The following SLC17A6 variants were observed in gnomAD, a reference collection of about 807,000 sequenced individuals.
SLC17A6 encodes the protein solute carrier family 17 member 6.
SLC17A6 carries 35 observed loss-of-function variants against 67.1 expected under a neutral mutation model. The ratio of observed to expected loss-of-function variants is 0.52; its 90% CI spans 0.40 to 0.69. SLC17A6 has a LOEUF of 0.69. SLC17A6 is among the 30% of genes least tolerant of loss of function. The probability of loss-of-function intolerance (pLI) is 0.00; values close to 1 mark genes in which losing one functional copy is unlikely to be tolerated. For missense variants in SLC17A6, 588 were observed against 723.9 expected, an observed-to-expected ratio of 0.81 and a Z score of 2.15; for synonymous variants, 285 against 252.3, an observed-to-expected ratio of 1.13 and a Z score of -1.23.
At chr11:22,351,767 A>G (rs1855942115) in intron 3 of SLC17A6, among the ~76,000 whole-genome samples, 1 of 152,148 alleles carries the variant, frequency 6.6e-6, no homozygotes, top group Non-Finnish European at 1.5e-5. Context: ...TCATTGTTAG[A>G]CAAGTTTTTG....
chr11:22,347,411 G>A (rs569739095), intron 3 of SLC17A6, among the ~76,000 whole-genome samples: 11 of 152,080 alleles, frequency 7.2e-5, no homozygotes, highest in Admixed American at 2.0e-4. Flanking sequence ...CATGTGGGTC[G>A]TAACAGCTAA....
At chr11:22,343,536 T>A (rs1855843340) in intron 3 of SLC17A6, among the ~76,000 whole-genome samples, 171 bp downstream of exon 3, 1 of 152,124 alleles carries the variant, frequency 6.6e-6, no homozygotes, top group African/African-American at 2.4e-5. Context: ...GACTCCTTCC[T>A]GAATTAGTCG....
intron 2 of SLC17A6, 39 bp downstream of exon 2, chr11:22,341,819 C>G: frequency 6.2e-7 from 1 of 1,605,586 alleles, no homozygotes; most frequent in Non-Finnish European, 8.5e-7. Context: ...TGCCCTTCGG[C>G]CATGCGGCCT....
intron 6 of SLC17A6, among the ~76,000 whole-genome samples, chr11:22,365,222 A>G (rs564504436): frequency 6.6e-6 from 1 of 152,270 alleles, no homozygotes; most frequent in Admixed American, 6.5e-5. Context: ...CTCTCACTTA[A>G]CCAGAGTGCC....
chr11:22,356,431 T>C (rs1482088386), intron 3 of SLC17A6, among the ~76,000 whole-genome samples: 1 of 152,128 alleles, frequency 6.6e-6, no homozygotes, highest in African/African-American at 2.4e-5. Context: ...TTATATAAAA[T>C]TAAATAAGAA....
intron 3 of SLC17A6, among the ~76,000 whole-genome samples, chr11:22,344,160 C>A (rs1316181879): frequency 6.6e-6 from 1 of 152,160 alleles, no homozygotes; most frequent in South Asian, 2.1e-4. Flanking sequence ...ATGCTCTTCA[C>A]GTCTGAATTG....
chr11:22,340,570 T>G (rs1855803616), intron 1 of SLC17A6, among the ~76,000 whole-genome samples: 2 of 152,210 alleles, frequency 1.3e-5, no homozygotes, highest in Admixed American at 1.3e-4. Context: ...AAAGTTGATT[T>G]GGGGGAGCCT....
chr11:22,347,020 C>A (rs957286060), intron 3 of SLC17A6, among the ~76,000 whole-genome samples: 2 of 151,670 alleles, frequency 1.3e-5, no homozygotes, highest in Admixed American at 1.3e-4. Flanking sequence ...TAATACCCTG[C>A]TCCTATCCTC....
intron 3 of SLC17A6, among the ~76,000 whole-genome samples, chr11:22,351,725 C>A (rs1855941384): frequency 6.6e-6 from 1 of 152,082 alleles, no homozygotes; most frequent in Non-Finnish European, 1.5e-5. Context: ...GCCTGTGGAA[C>A]AATTTTGAGA....
At chr11:22,370,455 G>A (rs556328349) in intron 8 of SLC17A6, among the ~76,000 whole-genome samples, 82 of 152,174 alleles carry the variant, frequency 5.4e-4, no homozygotes, top group Admixed American at 2.3e-3. Flanking sequence ...CAGTTGGAGC[G>A]AGCAGCGGTG....
At position 22,378,050 on chromosome 11, in the gene SLC17A6, CACA is replaced by C. The variant is rs1300228828; in HGVS notation, c.*314_*316del. The C allele has an allele frequency of 8.5e-6, 3 of 354,062 alleles. No homozygotes were observed. Among genetic ancestry groups the C allele is most frequent in the African/African-American group, 2.1e-5 (1 of 47,712 alleles). The allele number at this position is 354,062 out of a possible 1,614,324, so 21.9% of individuals were successfully genotyped here. On this transcript the variant is annotated 3_prime_UTR_variant, in exon 12 of 12. Transcript: ENST00000263160. ...TAAAACTCATCACTATTTACTAAAG[CACA>C]ACATCTCATCCTACAAAAGTTAAGA...
chr11:22,339,322 G>T (rs1855785843), intron 1 of SLC17A6, among the ~76,000 whole-genome samples: 1 of 151,124 alleles, frequency 6.6e-6, no homozygotes, highest in East Asian at 1.9e-4. Context: ...ATAATTGATA[G>T]TTGAAGCAAT....
At chr11:22,339,179 TTTTA>T (rs1328039379) in intron 1 of SLC17A6, among the ~76,000 whole-genome samples, 6 of 51,834 alleles carry the variant, frequency 1.2e-4, no homozygotes, top group South Asian at 1.5e-3. Context: ...TATATATATG[TTTTA>T]TATATATATA....
chr11:22,351,662 TA>T (rs71816852), intron 3 of SLC17A6, among the ~76,000 whole-genome samples: 53,124 of 152,008 alleles, frequency 0.35, 9,629 homozygotes, highest in Middle Eastern at 0.49. Context: ...TACAGCTTCT[TA>T]AAAAAATCAC....
intron 3 of SLC17A6, among the ~76,000 whole-genome samples, chr11:22,356,328 T>G (rs1326894445): frequency 2.6e-5 from 4 of 152,164 alleles, no homozygotes; most frequent in African/African-American, 9.7e-5. Context: ...CAATTTTGGC[T>G]GTGTGGCAAG....
At chr11:22,369,590 T>A (rs1290332343) in intron 7 of SLC17A6, among the ~76,000 whole-genome samples, 2 of 152,002 alleles carry the variant, frequency 1.3e-5, no homozygotes, top group African/African-American at 2.4e-5. Flanking sequence ...CTCTTAAGAT[T>A]TTGTATCTTT....
rs1311060588 is a variant in SLC17A6 at position 22,340,126 on chromosome 11, T to C, written c.87-1402T>C. The stretch of plus-strand genomic sequence containing the variant: ...ACAGCAGTATTCCAAGCTATGCATA[T>C]TTGAAATTAGTTTAAAAATTTCACT... On this transcript the variant is annotated intron_variant, in intron 1 of 11. Transcript: ENST00000263160. Among the ~76,000 whole-genome samples the C allele has an allele frequency of 2.6e-5, 4 of 152,350 alleles. No individual in the cohort carries two copies. The South Asian group carries it at 8.3e-4, about 32-fold the overall frequency.
At chr11:22,341,413 G>T in intron 1 of SLC17A6, 115 bp from the exon 2 acceptor site, 1 of 1,440,582 alleles carries the variant, frequency 6.9e-7, no homozygotes. Context: ...CCGAGGGTGG[G>T]GGGAGGTCGA....
At chr11:22,341,860 T>G in intron 2 of SLC17A6, 80 bp downstream of exon 2, 1 of 1,516,608 alleles carries the variant, frequency 6.6e-7, no homozygotes, top group Non-Finnish European at 8.9e-7. Context: ...TTGAGCCCCG[T>G]TCCCCCGCCA....
Sources: allele counts gnomAD v4.1 joint callset (sites outside exome capture counted in the v4.1 genomes callset), GRCh38; gene constraint gnomAD v4.1.1; transcripts MANE v1.5; gene names NCBI Gene and HGNC (gene_info 2026-07-23, HGNC 2026-07-21).